Variants in CLMN observed in about 807,000 individuals in gnomAD.
The protein encoded by CLMN is calmin, also known as calmin (calponin-like, transmembrane).
A neutral mutation model predicts 92.7 loss-of-function variants in CLMN; 57 were observed. That is an observed-to-expected ratio of 0.61 (90% CI 0.50 to 0.77). CLMN has a LOEUF of 0.77. Among genes scored for constraint, CLMN ranks in the 30% least tolerant of loss-of-function variants. The probability of loss-of-function intolerance (pLI) is 0.00; values close to 1 mark genes in which losing one functional copy is unlikely to be tolerated. For missense variants in CLMN, 1,158 were observed against 1,237.5 expected (o/e 0.94, Z 0.96); for synonymous variants, 466 against 470.6 (o/e 0.99, Z 0.13).
At chr14:95,205,235 A>G (rs1236989567) in intron 8 of CLMN, among the ~76,000 whole-genome samples, 1 of 152,256 alleles carries the variant, frequency 6.6e-6, no homozygotes, top group African/African-American at 2.4e-5. Flanking sequence ...CCTGAGGGAA[A>G]AAAATGACAT....
intron 1 of CLMN, among the ~76,000 whole-genome samples, chr14:95,234,415 A>G (rs759765748): frequency 5.3e-5 from 8 of 152,156 alleles, no homozygotes; most frequent in Non-Finnish European, 7.3e-5. Context: ...CTGGCCTGCC[A>G]AGACTCCATA....
intron 1 of CLMN, among the ~76,000 whole-genome samples, chr14:95,274,978 CAAAA>C (rs5810718): frequency 1.3e-5 from 1 of 76,378 alleles, no homozygotes; most frequent in Admixed American, 1.4e-4. Flanking sequence ...CACTCTGTCT[CAAAA>C]AAAAAAAAAA....
intron 1 of CLMN, among the ~76,000 whole-genome samples, chr14:95,316,078 G>C (rs1008585045): frequency 2.0e-5 from 3 of 152,210 alleles, no homozygotes; most frequent in Non-Finnish European, 4.4e-5. Context: ...AAGAGGGAGA[G>C]GGGGCAGCCA....
chr14:95,213,015 C>T (rs1236552943), intron 6 of CLMN, among the ~76,000 whole-genome samples: 2 of 152,136 alleles, frequency 1.3e-5, no homozygotes, highest in African/African-American at 4.8e-5. Flanking sequence ...GTCTTGATCC[C>T]TGACCTGGTG....
Position 95,186,175 on chromosome 14 carries a change from C to A in CLMN, c.*5389G>T, listed in dbSNP as rs1054634569. On this transcript the variant is annotated 3_prime_UTR_variant, in exon 13 of 13. Coordinates refer to ENST00000298912, the MANE Select transcript of CLMN (RefSeq NM_024734.4). ...TCAGTTTTTCATCTCTTAAATGAGG[C>A]ACTGAACGCTTACATAATTCCTGAG... The A allele has an allele frequency of 6.6e-6, 1 of 152,220 alleles. No individual in the cohort carries two copies. Among genetic ancestry groups the A allele is most frequent in the African/African-American group, 2.4e-5 (1 of 41,458 alleles). 9.4% of individuals were successfully genotyped at this position (152,220 alleles called of 1,614,324 possible).
At chr14:95,303,540 C>G (rs982115660) in intron 1 of CLMN, among the ~76,000 whole-genome samples, 1 of 152,246 alleles carries the variant, frequency 6.6e-6, no homozygotes, top group Non-Finnish European at 1.5e-5. Context: ...CCAACCCTCA[C>G]GCCTTGGGAC....
intron 1 of CLMN, among the ~76,000 whole-genome samples, chr14:95,312,479 CT>C (rs1901583796): frequency 6.6e-6 from 1 of 152,128 alleles, no homozygotes; most frequent in Non-Finnish European, 1.5e-5. Flanking sequence ...GTCACGTGCC[CT>C]GGGTCTGGGT....
chr14:95,205,677 T>C (rs1248888172), intron 8 of CLMN, among the ~76,000 whole-genome samples: 1 of 152,100 alleles, frequency 6.6e-6, no homozygotes, highest in Non-Finnish European at 1.5e-5. Context: ...TAAAATTATA[T>C]ATGTGATATA....
chr14:95,316,931 G>A (rs1381711588), intron 1 of CLMN, among the ~76,000 whole-genome samples: 4 of 152,162 alleles, frequency 2.6e-5, no homozygotes, highest in African/African-American at 9.7e-5. Flanking sequence ...TTAGAGATCT[G>A]TAAGATCCCA....
intron 1 of CLMN, 23 bp downstream of exon 1, chr14:95,319,688 G>T (rs376698283): frequency 1.9e-6 from 3 of 1,583,718 alleles, no homozygotes; most frequent in East Asian, 2.3e-5. Flanking sequence ...CAGCCATCCC[G>T]GGGCGAGCCT....
rs146660616 is a variant in CLMN at position 95,297,522 on chromosome 14, C to T, written c.82+22189G>A. Among the ~76,000 whole-genome samples the T allele has an allele frequency of 2.5e-4, 38 of 152,286 alleles. No individual in the cohort carries two copies. The East Asian group carries it at 6.2e-3, about 25-fold the overall frequency. On this transcript the variant is annotated intron_variant, in intron 1 of 12. Coordinates refer to ENST00000298912, the MANE Select transcript of CLMN (RefSeq NM_024734.4). ...TCCTATTGTACTCAATCCTCTTCCC[C>T]GACTCCCAGCCCCTGACAACCACAC...
chr14:95,273,008 G>A (rs1385067699), intron 1 of CLMN, among the ~76,000 whole-genome samples: 1 of 152,162 alleles, frequency 6.6e-6, no homozygotes, highest in African/African-American at 2.4e-5. Flanking sequence ...GGTTGTGTGA[G>A]TCCTTAATGA....
rs1566898299 is a variant in CLMN, at chr14:95,256,912, C to T, written c.83-26779G>A. ...TTAGCAGATAGGGAAAAGGAGAGGG[C>T]ATTCTCCATGTTGGGAACAGCAAGG... On this transcript the variant is annotated intron_variant, in intron 1 of 12. Transcript: ENST00000298912. The surrounding 1 kb of genome is among the most constrained non-coding windows in gnomAD (Gnocchi z 4.9). 6.6e-6 allele frequency among the ~76,000 whole-genome samples: 1 copy of T among 152,150 alleles called. No homozygotes were observed. The highest frequency in any genetic ancestry group is 1.5e-5 in the Non-Finnish European group (1 of 68,030).
chr14:95,296,859 T>C (rs1211695425), intron 1 of CLMN, among the ~76,000 whole-genome samples: 2 of 152,224 alleles, frequency 1.3e-5, no homozygotes, highest in African/African-American at 2.4e-5. Context: ...TTTCCTGTAA[T>C]TCATAGCCAA....
chr14:95,297,855 T>C (rs1262326565), intron 1 of CLMN, among the ~76,000 whole-genome samples: 2 of 141,608 alleles, frequency 1.4e-5, no homozygotes, highest in Admixed American at 6.9e-5. Context: ...ACACACAGAG[T>C]GCATGCATAT....
chr14:95,194,771 G>T lies in CLMN; in HGVS notation c.2709-175C>A, dbSNP rs1352034685. Among the ~76,000 whole-genome samples, 1 of 151,718 alleles carries T rather than the reference G, an allele frequency of 6.6e-6. No individual in the cohort carries two copies. The highest frequency in any genetic ancestry group is 1.9e-4 in the East Asian group (1 of 5,198). On this transcript the variant is annotated intron_variant, in intron 10 of 12. Coordinates refer to ENST00000298912, the MANE Select transcript of CLMN (RefSeq NM_024734.4). The surrounding 1 kb of genome is among the most constrained non-coding windows in gnomAD (Gnocchi z 4.0). Reference sequence around the variant, plus strand: ...AACATGCCTACTTTGGTTGGACAGTGCTTACAAATAGGATGGATATTAGTG... The same window carrying T: ...AACATGCCTACTTTGGTTGGACAGTTCTTACAAATAGGATGGATATTAGTG...
chr14:95,262,863 G>A (rs149614044), intron 1 of CLMN, among the ~76,000 whole-genome samples: 40 of 152,332 alleles, frequency 2.6e-4, no homozygotes, highest in African/African-American at 9.6e-4. Flanking sequence ...ACTGTGCCCA[G>A]CCTCCCCATT....
At chr14:95,212,432 G>C (rs1052052074) in intron 6 of CLMN, among the ~76,000 whole-genome samples, 1 of 152,208 alleles carries the variant, frequency 6.6e-6, no homozygotes. Context: ...TGGTAAAAAG[G>C]CCTGATACAA....
chr14:95,194,267 G>A lies in CLMN; in HGVS notation c.2769+269C>T, dbSNP rs947637535. 2.6e-4 allele frequency: 363 copies of A among 1,391,668 alleles called. No homozygotes were observed. The highest frequency in any genetic ancestry group is 4.2e-4 in the South Asian group (26 of 61,918). The allele number at this position is 1,391,668 out of a possible 1,614,324, so 86.2% of individuals were successfully genotyped here. On this transcript the variant is annotated intron_variant, in intron 11 of 12. Transcript: ENST00000298912. This position sits in a 1 kb window ranked among gnomAD's most constrained non-coding sequence, Gnocchi z 4.0. ...GAACGTGATCCTTCTGGGTGCGCGC[G>A]GGGTCCAGGTGAGGCGTTTTGGGTG...
Sources: gnomAD v4.1 joint callset for allele counts (sites outside exome capture counted in the v4.1 genomes callset) on GRCh38, gnomAD v4.1.1 for gene constraint, Gnocchi (gnomAD v3.1) non-coding constraint, MANE v1.5 for transcripts, NCBI Gene and HGNC (gene_info 2026-07-23, HGNC 2026-07-21) for gene names.